Variants in DOK5 observed in about 807,000 individuals in gnomAD.
The protein encoded by DOK5 is downstream of tyrosine kinase 5.
Under a neutral mutation model 43.3 loss-of-function variants are expected in DOK5, and 27 were observed. The ratio of observed to expected loss-of-function variants is 0.62; its 90% CI spans 0.46 to 0.86. The LOEUF (loss-of-function observed/expected upper bound fraction) is 0.86, where lower values mean the gene tolerates loss of function less well. Ranked by LOEUF, DOK5 falls within the 40% of genes least tolerant of loss-of-function variation. The probability of loss-of-function intolerance (pLI) is 0.00; values close to 1 mark genes in which losing one functional copy is unlikely to be tolerated. For missense variants in DOK5, 373 were observed against 392.9 expected (o/e 0.95, Z 0.43); for synonymous variants, 146 against 140.1 (o/e 1.04, Z -0.30).
rs188286668 is a variant in DOK5 at position 54,508,015 on chromosome 20, C to G, written c.66+32003C>G. 1.2e-3 allele frequency among the ~76,000 whole-genome samples: 183 copies of G among 152,246 alleles called. 1 individual carries two copies. The highest frequency in any genetic ancestry group is 4.0e-3 in the African/African-American group (168 of 41,546). On this transcript the variant is annotated intron_variant, in intron 1 of 7. Coordinates refer to ENST00000262593, the MANE Select transcript of DOK5 (RefSeq NM_018431.5). Reference sequence around the variant, plus strand: ...AATGTTAACAGCAAGCATGTAAGCACAAAGCCATGAGAAATACATCCAGTC... The same window carrying G: ...AATGTTAACAGCAAGCATGTAAGCAGAAAGCCATGAGAAATACATCCAGTC...
chr20:54,564,901 C>T (rs1985042843), intron 2 of DOK5, among the ~76,000 whole-genome samples: 1 of 152,238 alleles, frequency 6.6e-6, no homozygotes, highest in South Asian at 2.1e-4. Context: ...CAGCACATTT[C>T]TCCGACTTGC....
At position 54,637,313 on chromosome 20, in the gene DOK5, G is replaced by A. The variant is rs185842238; in HGVS notation, c.736-6145G>A. 3.3e-5 allele frequency among the ~76,000 whole-genome samples: 5 copies of A among 152,362 alleles called. 1 individual carries two copies. In the South Asian group the frequency reaches 1.0e-3, roughly 32 times the overall value. On this transcript the variant is annotated intron_variant, in intron 6 of 7. Transcript: ENST00000262593. ...ACTCACTTAGGCCAGGTTAGGAAGA[G>A]ACCTGCATGCATTCATGCTGTTTAG...
chr20:54,645,579 G>A (rs1270044668), intron 7 of DOK5, among the ~76,000 whole-genome samples: 1 of 151,974 alleles, frequency 6.6e-6, no homozygotes, highest in Non-Finnish European at 1.5e-5. Flanking sequence ...CACCTCCAGC[G>A]CCCCTCAGGC....
chr20:54,505,455 C>G (rs1982769362), intron 1 of DOK5, among the ~76,000 whole-genome samples: 1 of 151,970 alleles, frequency 6.6e-6, no homozygotes, highest in Non-Finnish European at 1.5e-5. Context: ...ATTCAATTCC[C>G]AAATGTTTAT....
chr20:54,489,285 C>T (rs1183795823), intron 1 of DOK5, among the ~76,000 whole-genome samples: 1 of 152,086 alleles, frequency 6.6e-6, no homozygotes, highest in East Asian at 1.9e-4. Context: ...AGTTTATACA[C>T]CAAAGAGTAG....
chr20:54,583,524 A>G (rs1286872340), intron 2 of DOK5, among the ~76,000 whole-genome samples: 1 of 152,052 alleles, frequency 6.6e-6, no homozygotes, highest in East Asian at 1.9e-4. Flanking sequence ...TCTCTCTTCA[A>G]TTCTATCAAT....
chr20:54,623,195 C>G (rs957231344), intron 6 of DOK5, among the ~76,000 whole-genome samples: 5 of 152,120 alleles, frequency 3.3e-5, no homozygotes, highest in African/African-American at 1.2e-4. Flanking sequence ...CAATGGGGTC[C>G]CATTGGCATC....
At chr20:54,571,451 G>A (rs527850007) in intron 2 of DOK5, among the ~76,000 whole-genome samples, 14 of 152,252 alleles carry the variant, frequency 9.2e-5, no homozygotes, top group Non-Finnish European at 1.9e-4. Context: ...CAGCTGCCTT[G>A]TTCATTGTCC....
In DOK5 at chr20:54,639,486, T is replaced by A. The variant is rs561054906; in HGVS notation, c.736-3972T>A. Among the ~76,000 whole-genome samples the A allele has an allele frequency of 5.3e-5, 8 of 152,342 alleles. 1 individual carries two copies. In the East Asian group the frequency reaches 1.2e-3, roughly 22 times the overall value. Reference sequence around the variant, plus strand: ...GAATGGCCAACCCACCCCCTGAATTTTCCCACAATTTTGTGAATGGGAGGT... The same window carrying A: ...GAATGGCCAACCCACCCCCTGAATTATCCCACAATTTTGTGAATGGGAGGT... On this transcript the variant is annotated intron_variant, in intron 6 of 7. Coordinates refer to ENST00000262593, the MANE Select transcript of DOK5 (RefSeq NM_018431.5).
intron 6 of DOK5, among the ~76,000 whole-genome samples, chr20:54,640,830 CT>C (rs1313287741): frequency 6.6e-6 from 1 of 152,200 alleles, no homozygotes; most frequent in Admixed American, 6.5e-5. Context: ...CAAATAACCC[CT>C]ACCTCTAAAT....
At chr20:54,566,028 A>AAAC (rs1485976414) in intron 2 of DOK5, among the ~76,000 whole-genome samples, 2 of 151,754 alleles carry the variant, frequency 1.3e-5, no homozygotes, top group African/African-American at 2.4e-5. Flanking sequence ...AAAAAAAAAA[A>AAAC]AAAACCCTGA....
chr20:54,645,592 C>T (rs1979375230), intron 7 of DOK5, among the ~76,000 whole-genome samples: 1 of 152,074 alleles, frequency 6.6e-6, no homozygotes, highest in African/African-American at 2.4e-5. Flanking sequence ...CCTCAGGCTC[C>T]AAGAAAGCCC....
At chr20:54,549,543 A>T (rs922967549) in intron 1 of DOK5, among the ~76,000 whole-genome samples, 23 of 152,228 alleles carry the variant, frequency 1.5e-4, no homozygotes, top group African/African-American at 5.3e-4. Context: ...AGAAATGAGA[A>T]AAAAGTCCCC....
chr20:54,607,933 G>A (rs1014544704), intron 5 of DOK5, among the ~76,000 whole-genome samples: 1 of 150,050 alleles, frequency 6.7e-6, no homozygotes, highest in Non-Finnish European at 1.5e-5. Context: ...AAACAAAGTG[G>A]GCATTGGGTA....
intron 1 of DOK5, among the ~76,000 whole-genome samples, chr20:54,503,798 G>A (rs1982699915): frequency 6.6e-6 from 1 of 152,160 alleles, no homozygotes; most frequent in Non-Finnish European, 1.5e-5. Flanking sequence ...TCCTAGTGCT[G>A]AAACCTGACA....
At chr20:54,568,973 G>T (rs568564003) in intron 2 of DOK5, among the ~76,000 whole-genome samples, 1 of 118,272 alleles carries the variant, frequency 8.5e-6, no homozygotes, top group South Asian at 3.1e-4. Context: ...GAAATGTATG[G>T]ACTAAAACGC....
At chr20:54,526,697 C>G (rs1473221507) in intron 1 of DOK5, among the ~76,000 whole-genome samples, 1 of 152,052 alleles carries the variant, frequency 6.6e-6, no homozygotes, top group East Asian at 1.9e-4. Flanking sequence ...TCAGAAATAC[C>G]TGGAACACCT....
intron 6 of DOK5, among the ~76,000 whole-genome samples, chr20:54,623,572 TTTTTTA>T (rs1409050759): frequency 1.3e-5 from 2 of 152,080 alleles, no homozygotes; most frequent in Admixed American, 6.6e-5. Flanking sequence ...GATTTCGTCT[TTTTTTA>T]TTTTTATTTT....
At position 54,634,065 on chromosome 20, in the gene DOK5, C is replaced by T. The variant is rs188646902; in HGVS notation, c.736-9393C>T. On this transcript the variant is annotated intron_variant, in intron 6 of 7. Coordinates refer to ENST00000262593, the MANE Select transcript of DOK5 (RefSeq NM_018431.5). ...TGCACCAGCAGCAAGTCAGTGTCAG[C>T]GAAACCAAATGAGGAACTGGGAAAC... Among the ~76,000 whole-genome samples, 12 of 152,296 alleles carry T rather than the reference C, an allele frequency of 7.9e-5. No individual in the cohort carries two copies. The East Asian group carries it at 2.1e-3, about 27-fold the overall frequency.
Sources: gnomAD v4.1 joint callset for allele counts (sites outside exome capture counted in the v4.1 genomes callset) on GRCh38, gnomAD v4.1.1 for gene constraint, MANE v1.5 for transcripts, NCBI Gene and HGNC (gene_info 2026-07-23, HGNC 2026-07-21) for gene names.